The following OLFML2A variants were observed in gnomAD, a reference collection of about 807,000 sequenced individuals.
The protein encoded by OLFML2A is olfactomedin-like protein 2A.
Under a neutral mutation model 60.9 loss-of-function variants are expected in OLFML2A, and 47 were observed. That is an observed-to-expected ratio of 0.77 (90% CI 0.61 to 0.98). OLFML2A has a LOEUF of 0.98. OLFML2A is among the 50% of genes least tolerant of loss of function. The probability of loss-of-function intolerance (pLI) is 0.00; values close to 1 mark genes in which losing one functional copy is unlikely to be tolerated. For synonymous variants in OLFML2A, 372 were observed against 375.0 expected, an observed-to-expected ratio of 0.99 and a Z score of 0.09; for missense variants, 922 against 879.8, an observed-to-expected ratio of 1.05 and a Z score of -0.61.
intron 1 of OLFML2A, among the ~76,000 whole-genome samples, chr9:124,784,947 T>G (rs1168918737): frequency 1.0e-5 from 1 of 96,878 alleles, no homozygotes; most frequent in South Asian, 4.3e-4. Context: ...TTACTTGTTT[T>G]TTTTTTTTTT....
Position 124,787,183 on chromosome 9 carries a change from G to A in OLFML2A, c.299G>A (p.Cys100Tyr), listed in dbSNP as rs1231267702. The change falls in exon 2 of 8, where the codon TGT (cysteine) becomes TAT (tyrosine). Residue 100 changes from cysteine (C) to tyrosine (Y), a missense_variant. Transcript: ENST00000373580. Reference sequence around the variant, plus strand: ...GCACCTCCCTCCTCTCTCAACCCCTGTGAGAACGAGTGGAAGATGGAGAAA... The same window carrying A: ...GCACCTCCCTCCTCTCTCAACCCCTATGAGAACGAGTGGAAGATGGAGAAA... ...CTAPPSSLNP[C>Y]ENEWKMEKLK... The A allele has an allele frequency of 2.5e-6, 4 of 1,614,068 alleles. No individual in the cohort carries two copies. The highest frequency in any genetic ancestry group is 2.5e-6 in the Non-Finnish European group (3 of 1,180,016).
intron 1 of OLFML2A, among the ~76,000 whole-genome samples, chr9:124,778,397 G>T (rs1841299124): frequency 6.6e-6 from 1 of 151,196 alleles, no homozygotes; most frequent in African/African-American, 2.4e-5. Flanking sequence ...CTTAGCACCA[G>T]AGCACTTGGG....
rs531224139 is a variant in OLFML2A at position 124,790,127 on chromosome 9, G to A, written c.354+2889G>A. Among the ~76,000 whole-genome samples, 10 of 152,292 alleles carry A rather than the reference G, an allele frequency of 6.6e-5. No individual in the cohort carries two copies. In the South Asian group the frequency reaches 1.2e-3, roughly 19 times the overall value. On this transcript the variant is annotated intron_variant, in intron 2 of 7. Transcript: ENST00000373580. ...AGTGGGAGAATCTGAGGCCCAAAGA[G>A]GGGCTATGGCCTAAGATCATATAGC...
chr9:124,810,699 G>A lies in OLFML2A; in HGVS notation c.*287G>A. 2.2e-6 allele frequency: 1 copy of A among 459,354 alleles called. No homozygotes were observed. Among genetic ancestry groups the A allele is most frequent in the Non-Finnish European group, 3.9e-6 (1 of 254,596 alleles). 28.5% of individuals were successfully genotyped at this position (459,354 alleles called of 1,614,324 possible). A position where few individuals can be genotyped will look rare whatever the true frequency, so the allele number is the denominator to read the frequency against. The stretch of plus-strand genomic sequence containing the variant: ...ACCCATTTAACAGACGAGGAGACAG[G>A]CTCAGAGAGGCACCGTCCCTTGCCT... On this transcript the variant is annotated 3_prime_UTR_variant, in exon 8 of 8. Coordinates refer to ENST00000373580, the MANE Select transcript of OLFML2A (RefSeq NM_182487.4).
chr9:124,779,899 G>T lies in OLFML2A; in HGVS notation c.90+2539G>T, dbSNP rs1335605843. ...GGCCAGCCTGGGACTTGAAGTCAAT[G>T]TAGGGCCCTAAAGGGTTAAGTTGGC... On this transcript the variant is annotated intron_variant, in intron 1 of 7. Transcript: ENST00000373580. This position sits in a 1 kb window ranked among gnomAD's most constrained non-coding sequence, Gnocchi z 4.1. Among the ~76,000 whole-genome samples the T allele has an allele frequency of 6.6e-6, 1 of 152,208 alleles. No homozygotes were observed. The highest frequency in any genetic ancestry group is 1.5e-5 in the Non-Finnish European group (1 of 68,040).
rs548118646 is a variant in OLFML2A at position 124,779,816 on chromosome 9, C to T, written c.90+2456C>T. 3.2e-4 allele frequency among the ~76,000 whole-genome samples: 49 copies of T among 152,328 alleles called. No homozygotes were observed. The highest frequency in any genetic ancestry group is 4.6e-4 in the Admixed American group (7 of 15,300). On this transcript the variant is annotated intron_variant, in intron 1 of 7. Transcript: ENST00000373580. This position sits in a 1 kb window ranked among gnomAD's most constrained non-coding sequence, Gnocchi z 4.1. ...CTCGCTCCTTCCCCCATCACAACCC[C>T]GCCTTCCTCTCCAAGCCCATTCCGT... is the stretch of plus-strand genomic sequence containing the variant.
chr9:124,809,749 G>A (rs1841964959), intron 7 of OLFML2A, 59 bp from the exon 8 acceptor site: 2 of 1,543,726 alleles, frequency 1.3e-6, no homozygotes, highest in Admixed American at 1.9e-5. Context: ...GGGCTCAGGG[G>A]ATGTGGGTGG....
Position 124,812,810 on chromosome 9 carries a change from A to G in OLFML2A, c.*2398A>G, listed in dbSNP as rs1842046889. The G allele has an allele frequency of 6.6e-6, 1 of 152,176 alleles. No individual in the cohort carries two copies. The highest frequency in any genetic ancestry group is 1.5e-5 in the Non-Finnish European group (1 of 68,048). 9.4% of individuals were successfully genotyped at this position (152,176 alleles called of 1,614,324 possible). On this transcript the variant is annotated 3_prime_UTR_variant, in exon 8 of 8. Coordinates refer to ENST00000373580, the MANE Select transcript of OLFML2A (RefSeq NM_182487.4). ...GGAAAGTGAGAATAGGCTGATTTTT[A>G]AAAGTTAAGGGGCAAGCAGCATTGC...
intron 6 of OLFML2A, among the ~76,000 whole-genome samples, chr9:124,806,350 A>G (rs1459761991): frequency 6.6e-6 from 1 of 152,130 alleles, no homozygotes; most frequent in Non-Finnish European, 1.5e-5. Context: ...ACACAGTGAA[A>G]TGGCTAAATC....
At chr9:124,785,787 GGA>G (rs1436926112) in intron 1 of OLFML2A, among the ~76,000 whole-genome samples, 4 of 152,010 alleles carry the variant, frequency 2.6e-5, no homozygotes, top group African/African-American at 9.7e-5. Context: ...AACTTATTGA[GGA>G]ATCGCCAAAC....
rs1466030294 is a variant in OLFML2A, at chr9:124,777,702, C to G, written c.90+342C>G. Among the ~76,000 whole-genome samples, 1 of 152,146 alleles carries G rather than the reference C, an allele frequency of 6.6e-6. No individual in the cohort carries two copies. Among genetic ancestry groups the G allele is most frequent in the Non-Finnish European group, 1.5e-5 (1 of 67,996 alleles). On this transcript the variant is annotated intron_variant, in intron 1 of 7. Coordinates refer to ENST00000373580, the MANE Select transcript of OLFML2A (RefSeq NM_182487.4). The surrounding 1 kb of genome is among the most constrained non-coding windows in gnomAD (Gnocchi z 6.2). ...GAAGCTCCTGGCAACTGTTACCCAA[C>G]GACTCCCAGGCTTGCAGCAAGCCCT...
chr9:124,807,096 T>G (rs2131278651), intron 6 of OLFML2A, among the ~76,000 whole-genome samples: 1 of 151,222 alleles, frequency 6.6e-6, no homozygotes, highest in South Asian at 2.1e-4. Flanking sequence ...AAAATTTTTT[T>G]TTTTTTTTGT....
intron 3 of OLFML2A, 139 bp from the exon 4 acceptor site, chr9:124,799,146 C>T (rs1841721525): frequency 1.6e-6 from 1 of 609,470 alleles, no homozygotes; most frequent in Non-Finnish European, 3.0e-6. Context: ...TTTTCCTGCT[C>T]ATGCTCACTG....
chr9:124,806,146 CT>C (rs1423138718), intron 6 of OLFML2A, among the ~76,000 whole-genome samples: 1 of 150,720 alleles, frequency 6.6e-6, no homozygotes, highest in Non-Finnish European at 1.5e-5. Context: ...TATTTTTTAT[CT>C]TATAAGAGTT....
rs754821868 is a variant in OLFML2A at position 124,801,332 on chromosome 9, G to A, written c.670-82G>A. The A allele has an allele frequency of 2.4e-4, 352 of 1,452,678 alleles. 1 individual carries two copies. Among genetic ancestry groups the A allele is most frequent in the Non-Finnish European group, 2.8e-4 (297 of 1,049,646 alleles). The allele number at this position is 1,452,678 out of a possible 1,614,324, so 90.0% of individuals were successfully genotyped here. ...GCCTGGGGCAACATGGCCACCTCCA[G>A]TCCCCACATGCTGAGCCCCCAGGAC... On this transcript the variant is annotated intron_variant, in intron 4 of 7. Transcript: ENST00000373580.
In OLFML2A at chr9:124,807,883, C is replaced by T. The variant is rs375357249; in HGVS notation, c.1271C>T (p.Ala424Val). ...GGAGCCTGGATGAAGGACCCTGCAG[C>T]TCGAGACGACAGGATCTATGTCACC... is the stretch of plus-strand genomic sequence containing the variant. ...HEGAWMKDPA[A>V]RDDRIYVTNY... The change falls in exon 7 of 8, where the codon GCT becomes GTT. Residue 424 changes from alanine to valine, a missense_variant. Physicochemically the swap from Ala to Val is moderately conservative, Grantham distance 64 (BLOSUM62 0). Transcript: ENST00000373580. The T allele has an allele frequency of 6.2e-6, 10 of 1,614,108 alleles. No homozygotes were observed. In the Admixed American group the frequency reaches 8.3e-5, roughly 13 times the overall value.
intron 3 of OLFML2A, among the ~76,000 whole-genome samples, chr9:124,798,613 C>A (rs950483037): frequency 4.0e-5 from 6 of 151,572 alleles, no homozygotes; most frequent in Non-Finnish European, 8.8e-5. Context: ...GCGGGCGGAT[C>A]ACTTGAGGCC....
chr9:124,789,851 C>T (rs956054039), intron 2 of OLFML2A, among the ~76,000 whole-genome samples: 1 of 152,242 alleles, frequency 6.6e-6, no homozygotes, highest in African/African-American at 2.4e-5. Context: ...TTGGCAGTCC[C>T]TGGATCACAC....
chr9:124,802,977 C>T (rs1841810607), intron 5 of OLFML2A, among the ~76,000 whole-genome samples: 1 of 152,082 alleles, frequency 6.6e-6, no homozygotes, highest in Non-Finnish European at 1.5e-5. Context: ...GGTGCAATCT[C>T]AGCTCACTGC....
Sources: allele counts gnomAD v4.1 joint callset (sites outside exome capture counted in the v4.1 genomes callset), GRCh38; gene constraint gnomAD v4.1.1; non-coding constraint Gnocchi (gnomAD v3.1); transcripts MANE v1.5; gene names NCBI Gene and HGNC (gene_info 2026-07-23, HGNC 2026-07-21).